Variants in SAMD4A observed in about 807,000 individuals in gnomAD.
SAMD4A encodes the protein sterile alpha motif domain containing 4A.
In SAMD4A, 33 loss-of-function variants were observed where a neutral mutation model predicts 81.3. The observed-to-expected ratio is 0.41, with a 90% CI of 0.31 to 0.54. SAMD4A has a LOEUF of 0.54. Ranked by LOEUF, SAMD4A falls within the 20% of genes least tolerant of loss-of-function variation. The probability of loss-of-function intolerance (pLI) is 0.37; values close to 1 mark genes in which losing one functional copy is unlikely to be tolerated. For missense variants in SAMD4A, 854 were observed against 951.1 expected (o/e 0.90, Z 1.34); for synonymous variants, 389 against 382.1 (o/e 1.02, Z -0.21).
At chr14:54,695,683 G>C (rs1485724076) in intron 2 of SAMD4A, among the ~76,000 whole-genome samples, 1 of 150,774 alleles carries the variant, frequency 6.6e-6, no homozygotes. Flanking sequence ...GGCCGGGCAC[G>C]GTGGCTCACG....
At chr14:54,691,367 CT>C (rs1283530663) in intron 2 of SAMD4A, among the ~76,000 whole-genome samples, 10 of 152,090 alleles carry the variant, frequency 6.6e-5, no homozygotes, top group African/African-American at 1.9e-4. Context: ...CCTCCTGATT[CT>C]GGTCCAGCCA....
At chr14:54,654,290 C>T (rs1047877922) in intron 2 of SAMD4A, among the ~76,000 whole-genome samples, 3 of 152,166 alleles carry the variant, frequency 2.0e-5, no homozygotes, top group Non-Finnish European at 4.4e-5. Flanking sequence ...GGAATTCCTA[C>T]TGGTAGTAGC....
At chr14:54,755,570 TG>T (rs2038217458) in intron 6 of SAMD4A, among the ~76,000 whole-genome samples, 1 of 152,136 alleles carries the variant, frequency 6.6e-6, no homozygotes, top group Admixed American at 6.5e-5. Context: ...CCAGGTGCCA[TG>T]GAAGTGTCAC....
chr14:54,784,714 G>A, intron 12 of SAMD4A, 94 bp downstream of exon 12: 3 of 1,137,436 alleles, frequency 2.6e-6, no homozygotes, highest in Non-Finnish European at 4.0e-6. Context: ...AGGAGCTCAG[G>A]AGAATTGGGG....
chr14:54,642,592 T>C (rs1370068459), intron 2 of SAMD4A, among the ~76,000 whole-genome samples: 1 of 152,182 alleles, frequency 6.6e-6, no homozygotes, highest in Non-Finnish European at 1.5e-5. Context: ...TATCCATTCA[T>C]GTACTGATTT....
rs138530211 is a variant in SAMD4A at position 54,772,039 on chromosome 14, T to A, written c.1715+1817T>A. On this transcript the variant is annotated intron_variant, in intron 9 of 12. Transcript: ENST00000554335. ...GTGGATGTTCAACTGGATGTTACTA[T>A]AAGGCTGGAAAATGTTTTATACTCA... is the stretch of plus-strand genomic sequence containing the variant. Among the ~76,000 whole-genome samples, 531 of 152,352 alleles carry A rather than the reference T, an allele frequency of 3.5e-3. 4 individuals carry two copies. Among genetic ancestry groups the A allele is most frequent in the African/African-American group, 0.012 (505 of 41,570 alleles).
intron 8 of SAMD4A, among the ~76,000 whole-genome samples, chr14:54,768,920 T>C (rs941883436): frequency 2.6e-5 from 4 of 152,362 alleles, no homozygotes; most frequent in East Asian, 3.8e-4. Context: ...GCTGTCATTT[T>C]TTTTCTCCAT....
intron 10 of SAMD4A, among the ~76,000 whole-genome samples, chr14:54,776,015 TAAAAAAAAAA>T (rs10539223): frequency 1.3e-4 from 12 of 89,840 alleles, no homozygotes; most frequent in South Asian, 8.1e-4. Flanking sequence ...GTAAGAATCT[TAAAAAAAAAA>T]AAAAAAAAAA....
chr14:54,639,301 C>T (rs1177634895), intron 2 of SAMD4A, among the ~76,000 whole-genome samples: 1 of 152,234 alleles, frequency 6.6e-6, no homozygotes, highest in Non-Finnish European at 1.5e-5. Context: ...GTTACAATCT[C>T]CTCTAGCCTG....
intron 2 of SAMD4A, among the ~76,000 whole-genome samples, chr14:54,613,265 T>C (rs1054763316): frequency 2.6e-5 from 4 of 151,850 alleles, no homozygotes; most frequent in African/African-American, 7.3e-5. Context: ...CTGACAACAA[T>C]AGAAATGCAT....
chr14:54,628,340 G>A (rs889851287), intron 2 of SAMD4A, among the ~76,000 whole-genome samples: 4 of 152,238 alleles, frequency 2.6e-5, no homozygotes, highest in African/African-American at 9.6e-5. Context: ...AGACTCCGCC[G>A]GCCTTCATGA....
intron 2 of SAMD4A, among the ~76,000 whole-genome samples, chr14:54,609,092 G>C (rs2034291713): frequency 6.6e-6 from 1 of 152,202 alleles, no homozygotes; most frequent in African/African-American, 2.4e-5. Context: ...ATGTTACATG[G>C]AGTAGGGGGA....
intron 4 of SAMD4A, among the ~76,000 whole-genome samples, chr14:54,737,631 C>G (rs1307588455): frequency 1.4e-5 from 2 of 143,768 alleles, no homozygotes; most frequent in East Asian, 4.2e-4. Context: ...GTTTGTAAAG[C>G]TACTGAGCTG....
intron 2 of SAMD4A, among the ~76,000 whole-genome samples, chr14:54,657,091 T>C (rs567444016): frequency 6.6e-6 from 1 of 152,298 alleles, no homozygotes; most frequent in Non-Finnish European, 1.5e-5. Flanking sequence ...TTCCATCTTA[T>C]CTGTAGATAT....
intron 2 of SAMD4A, among the ~76,000 whole-genome samples, chr14:54,643,349 G>A (rs1441248408): frequency 6.6e-6 from 1 of 152,232 alleles, no homozygotes; most frequent in Non-Finnish European, 1.5e-5. Context: ...CCACCCAGTT[G>A]TTGGTGAAAG....
chr14:54,708,205 C>A (rs1286784627), intron 3 of SAMD4A, among the ~76,000 whole-genome samples: 1 of 152,112 alleles, frequency 6.6e-6, no homozygotes, highest in Non-Finnish European at 1.5e-5. Context: ...GAAAATAGAA[C>A]CAACAGGATT....
At position 54,590,199 on chromosome 14, in the gene SAMD4A, G is replaced by A. The variant is rs1320191995; in HGVS notation, c.196+22087G>A. Among the ~76,000 whole-genome samples the A allele has an allele frequency of 3.3e-5, 5 of 152,192 alleles. 1 individual carries two copies. The highest frequency in any genetic ancestry group is 7.4e-5 in the Non-Finnish European group (5 of 68,024). On this transcript the variant is annotated intron_variant, in intron 2 of 12. Transcript: ENST00000554335. ...GTGCTATAAGAAAAATAAAGCAGGG[G>A]AAAGGACAGAAAGTTCTCATGGTTC... is the stretch of plus-strand genomic sequence containing the variant.
At position 54,770,099 on chromosome 14, in the gene SAMD4A, T is replaced by C. The variant is rs376211744; in HGVS notation, c.1597-5T>C. On this transcript the variant is annotated splice_region_variant and splice_polypyrimidine_tract_variant and intron_variant, in intron 8 of 12. Transcript: ENST00000554335. ...CCCATTTAAAAGTCCTGTTTGTTTTTGCAGGCATTTACAGAGACACAGAAA... is the reference window on the plus strand; with the variant it reads ...CCCATTTAAAAGTCCTGTTTGTTTTCGCAGGCATTTACAGAGACACAGAAA... 5 of 1,596,988 alleles carry C rather than the reference T, an allele frequency of 3.1e-6. No homozygotes were observed. The highest frequency in any genetic ancestry group is 3.3e-5 in the Admixed American group (2 of 59,712).
chr14:54,589,758 A>T (rs554405766), intron 2 of SAMD4A, among the ~76,000 whole-genome samples: 1 of 152,276 alleles, frequency 6.6e-6, no homozygotes, highest in East Asian at 1.9e-4. Context: ...ATCTTGCATG[A>T]TTTGTTAATC....
Sources: allele counts gnomAD v4.1 joint callset (sites outside exome capture counted in the v4.1 genomes callset), GRCh38; gene constraint gnomAD v4.1.1; transcripts MANE v1.5; gene names NCBI Gene and HGNC (gene_info 2026-07-23, HGNC 2026-07-21).